Variants in SUMF1 observed in about 807,000 individuals in gnomAD.
The protein encoded by SUMF1 is formylglycine-generating enzyme.
SUMF1 carries 48 observed loss-of-function variants against 47.6 expected under a neutral mutation model. That is an observed-to-expected ratio of 1.01 (90% CI 0.80 to 1.28). The LOEUF is 1.28. Among genes scored for constraint, SUMF1 ranks in the 50% most tolerant of loss-of-function variants. The pLI is 0.00. For synonymous variants in SUMF1, 230 were observed against 192.1 expected (o/e 1.20, Z -1.63); for missense variants, 571 against 485.4 (o/e 1.18, Z -1.66).
At chr3:4,040,137 T>C (rs1694883439) in intron 9 of SUMF1, among the ~76,000 whole-genome samples, 1 of 152,166 alleles carries the variant, frequency 6.6e-6, no homozygotes, top group Non-Finnish European at 1.5e-5. Context: ...TTAGCTTAAT[T>C]TTGGTCACAT....
At chr3:4,394,789 G>T (rs1700989050) in intron 7 of SUMF1, among the ~76,000 whole-genome samples, 1 of 152,052 alleles carries the variant, frequency 6.6e-6, no homozygotes, top group Non-Finnish European at 1.5e-5. Flanking sequence ...AGTTTCTCTG[G>T]GTCCTGGGCA....
At chr3:4,155,135 G>A (rs1368790926) in intron 8 of SUMF1, among the ~76,000 whole-genome samples, 1 of 151,466 alleles carries the variant, frequency 6.6e-6, no homozygotes, top group Non-Finnish European at 1.5e-5. Context: ...TCTTTCTATA[G>A]CTCCTGACAT....
intron 7 of SUMF1, among the ~76,000 whole-genome samples, chr3:4,403,595 G>C (rs1196338839): frequency 3.9e-5 from 6 of 152,170 alleles, no homozygotes; most frequent in Non-Finnish European, 8.8e-5. Context: ...TGAAGAGCTT[G>C]TCTGTACAAG....
rs189727399 is a variant in SUMF1, at chr3:4,403,689, C to T, written c.954+7176G>A. On this transcript the variant is annotated intron_variant, in intron 7 of 8. Transcript: ENST00000272902. ...CACTTCAAGGAGGATTTGAGTTGGA[C>T]AGAGGAAACTTCAGTGAGAACATCT... Among the ~76,000 whole-genome samples, 474 of 152,300 alleles carry T rather than the reference C, an allele frequency of 3.1e-3. 2 individuals are homozygous for T. The highest frequency in any genetic ancestry group is 5.1e-3 in the Non-Finnish European group (347 of 68,018).
chr3:4,123,216 G>A (rs1463102790), intron 8 of SUMF1, among the ~76,000 whole-genome samples: 1 of 152,080 alleles, frequency 6.6e-6, no homozygotes, highest in East Asian at 2.0e-4. Flanking sequence ...CTTTGAAGGA[G>A]TAATATGTTA....
chr3:4,236,433 G>T (rs960488290), intron 8 of SUMF1, among the ~76,000 whole-genome samples: 3 of 152,006 alleles, frequency 2.0e-5, no homozygotes, highest in African/African-American at 7.2e-5. Flanking sequence ...TGGGCCATTA[G>T]GAAAAGGGGG....
intron 7 of SUMF1, among the ~76,000 whole-genome samples, chr3:4,393,746 G>A (rs2124940801): frequency 6.6e-6 from 1 of 152,064 alleles, no homozygotes; most frequent in African/African-American, 2.4e-5. Context: ...CCCATTCTTG[G>A]CCAAAGCTAT....
chr3:4,235,914 A>G (rs1218687907), intron 8 of SUMF1, among the ~76,000 whole-genome samples: 1 of 152,056 alleles, frequency 6.6e-6, no homozygotes, highest in Non-Finnish European at 1.5e-5. Context: ...AGCATTAAAG[A>G]GGAAATACAA....
At chr3:4,176,064 G>A (rs888026920) in intron 8 of SUMF1, among the ~76,000 whole-genome samples, 5 of 152,204 alleles carry the variant, frequency 3.3e-5, no homozygotes, top group Admixed American at 6.5e-5. Flanking sequence ...ACATTTGATT[G>A]TTGTACCTGA....
intron 6 of SUMF1, among the ~76,000 whole-genome samples, chr3:4,413,129 C>T (rs556460834): frequency 2.4e-4 from 36 of 152,052 alleles, no homozygotes; most frequent in African/African-American, 8.7e-4. Context: ...CTCAGCCTCC[C>T]GAGTAGCTGG....
In SUMF1 at chr3:4,146,412, G is replaced by C. The variant is rs76436862; in HGVS notation, c.1015-77667C>G. On this transcript the variant is annotated intron_variant and NMD_transcript_variant, in intron 8 of 12. Coordinates refer to the SUMF1 transcript ENST00000448413. ...CTCCAGTAGAGAGAGGCGAGGGGGG[G>C]AAAGGTGAATGGAGAAGTCTTTAGT... 7.7e-4 allele frequency among the ~76,000 whole-genome samples: 115 copies of C among 148,936 alleles called. 2 individuals carry two copies. The East Asian group carries it at 0.016, about 20-fold the overall frequency.
intron 8 of SUMF1, among the ~76,000 whole-genome samples, chr3:4,255,529 T>C (rs1463710800): frequency 2.5e-5 from 2 of 79,962 alleles, no homozygotes; most frequent in East Asian, 4.9e-4. Flanking sequence ...GGCCATTACA[T>C]AATGGTAAAG....
At position 4,195,097 on chromosome 3, in the gene SUMF1, T is replaced by C. The variant is rs188774018; in HGVS notation, c.1015-126352A>G. Among the ~76,000 whole-genome samples the C allele has an allele frequency of 8.9e-4, 136 of 152,312 alleles. 1 individual carries two copies. Among genetic ancestry groups the C allele is most frequent in the Admixed American group, 6.1e-3 (93 of 15,288 alleles). On this transcript the variant is annotated intron_variant and NMD_transcript_variant, in intron 8 of 12. Transcript: ENST00000448413. ...GCTTTTACTCAAGTGCTTATCTGTC[T>C]GTTCTCTATAGCAAGGAAACACAAA...
intron 2 of SUMF1, among the ~76,000 whole-genome samples, chr3:4,449,821 G>A (rs1456444110): frequency 6.6e-6 from 1 of 152,164 alleles, no homozygotes; most frequent in Non-Finnish European, 1.5e-5. Flanking sequence ...AGCATCAAAT[G>A]GAAATCTGTA....
chr3:4,226,017 C>G (rs1441237876), intron 8 of SUMF1, among the ~76,000 whole-genome samples: 4 of 152,052 alleles, frequency 2.6e-5, no homozygotes, highest in African/African-American at 7.2e-5. Context: ...TCACACTCTT[C>G]CAGGTCATAA....
intron 8 of SUMF1, among the ~76,000 whole-genome samples, chr3:4,328,320 C>G (rs918253395): frequency 6.6e-6 from 1 of 152,066 alleles, no homozygotes; most frequent in Non-Finnish European, 1.5e-5. Context: ...CTCAGTTTCC[C>G]AAACAATACA....
chr3:4,317,148 G>A lies in SUMF1; in HGVS notation c.1014+59182C>T, dbSNP rs369080883. 7.0e-5 allele frequency: 109 copies of A among 1,548,282 alleles called. No individual in the cohort carries two copies. In the East Asian group the frequency reaches 1.8e-3, roughly 25 times the overall value. On this transcript the variant is annotated intron_variant and NMD_transcript_variant, in intron 8 of 12. Transcript: ENST00000448413. ...TGCAGAAAATGCTTTCCAAGAGTTC[G>A]TCGAATCCCAAAGCACGGATTTTTA...
At position 4,137,090 on chromosome 3, in the gene SUMF1, A is replaced by T. The variant is rs1253645986; in HGVS notation, c.1015-68345T>A. On this transcript the variant is annotated intron_variant and NMD_transcript_variant, in intron 8 of 12. Coordinates refer to the SUMF1 transcript ENST00000448413. ...GATTCCTCAAGGATCTAGAACTAGA[A>T]AAACCATTTGACCCAGCCATCCCAA... Among the ~76,000 whole-genome samples, 4 of 152,080 alleles carry T rather than the reference A, an allele frequency of 2.6e-5. 1 individual carries two copies. The highest frequency in any genetic ancestry group is 3.9e-4 in the East Asian group (2 of 5,190).
intron 9 of SUMF1, among the ~76,000 whole-genome samples, chr3:4,059,101 G>A (rs1301977645): frequency 6.6e-6 from 1 of 152,048 alleles, no homozygotes; most frequent in Admixed American, 6.6e-5. Flanking sequence ...GAGCTTTCAT[G>A]GGACAGATTT....
Sources: allele counts gnomAD v4.1 joint callset (sites outside exome capture counted in the v4.1 genomes callset), GRCh38; gene constraint gnomAD v4.1.1; transcripts MANE v1.5; gene names NCBI Gene and HGNC (gene_info 2026-07-23, HGNC 2026-07-21).